POLR3B: variants seen among roughly 807,000 people sequenced by gnomAD.
POLR3B encodes RNA polymerase III subunit B.
In POLR3B, 96 loss-of-function variants were observed where a neutral mutation model predicts 147.4. The ratio of observed to expected loss-of-function variants is 0.65; its 90% confidence interval spans 0.55 to 0.77. The LOEUF is 0.77. Ranked by LOEUF, POLR3B falls within the 30% of genes least tolerant of loss-of-function variation. The pLI is 0.00. For synonymous variants in POLR3B, 461 were observed against 485.9 expected, an observed-to-expected ratio of 0.95 and a Z score of 0.67; for missense variants, 1,036 against 1,413.5, an observed-to-expected ratio of 0.73 and a Z score of 4.28.
chr12:106,472,264 G>T (rs1380404145), intron 23 of POLR3B, among the ~76,000 whole-genome samples: 154 of 150,608 alleles, frequency 1.0e-3, no homozygotes, highest in Middle Eastern at 3.4e-3. Context: ...GTCTATCATT[G>T]TTGGACATTT....
intron 11 of POLR3B, among the ~76,000 whole-genome samples, chr12:106,407,271 A>T (rs919692085): frequency 2.0e-5 from 3 of 152,236 alleles, no homozygotes; most frequent in African/African-American, 7.2e-5. Context: ...GGTTTCTTAC[A>T]TCCTAACTGA....
In POLR3B at chr12:106,491,835, CT is replaced by C. The variant is rs370900838; in HGVS notation, c.2714-4217del. 4.4e-3 allele frequency among the ~76,000 whole-genome samples: 677 copies of C among 152,272 alleles called. 4 individuals are homozygous for C. The highest frequency in any genetic ancestry group is 0.016 in the African/African-American group (652 of 41,558). Reference sequence around the variant, plus strand: ...AATTGAGGGAAATGATTCTTTTTCTCTTTCCTCACTCAGAAAAGGAAGAGTA... The same window carrying C: ...AATTGAGGGAAATGATTCTTTTTCTCTTCCTCACTCAGAAAAGGAAGAGTA... On this transcript the variant is annotated intron_variant, in intron 23 of 27. Coordinates refer to ENST00000228347, the MANE Select transcript of POLR3B (RefSeq NM_018082.6).
intron 4 of POLR3B, among the ~76,000 whole-genome samples, chr12:106,368,620 G>A (rs1452710782): frequency 1.3e-5 from 2 of 152,166 alleles, no homozygotes; most frequent in Non-Finnish European, 2.9e-5. Context: ...TTACTAGAGT[G>A]TAGGATTTGT....
chr12:106,427,224 T>A lies in POLR3B; in HGVS notation c.1129T>A (p.Phe377Ile). 6.2e-7 allele frequency: 1 copy of A among 1,603,020 alleles called. No individual in the cohort carries two copies. The highest frequency in any genetic ancestry group is 8.5e-7 in the Non-Finnish European group (1 of 1,171,952). ...TTTATCTCTTCTTTTTGAAGACTTG[T>A]TCAAAAAATTTAATTCTGAAATGAA... ...QLLSLLFEDL[F>I]KKFNSEMKKI... Residue 377 changes from phenylalanine to isoleucine, a missense_variant, in exon 13 of 28, where the codon TTC becomes ATC. Physicochemically the swap from Phe to Ile is conservative, Grantham distance 21. Coordinates refer to ENST00000228347, the MANE Select transcript of POLR3B (RefSeq NM_018082.6).
At chr12:106,470,556 C>T (rs1236543612) in intron 23 of POLR3B, among the ~76,000 whole-genome samples, 2 of 152,172 alleles carry the variant, frequency 1.3e-5, no homozygotes, top group African/African-American at 4.8e-5. Context: ...AATTTTCAGC[C>T]TTTCTGCTCT....
chr12:106,413,299 G>A (rs2037253499), intron 12 of POLR3B, among the ~76,000 whole-genome samples: 1 of 152,112 alleles, frequency 6.6e-6, no homozygotes, highest in Non-Finnish European at 1.5e-5. Flanking sequence ...AATTTTGTTA[G>A]ATGTACAATT....
rs543653933 is a variant in POLR3B, at chr12:106,438,874, G to A, written c.1955+1095G>A. 2.4e-3 allele frequency among the ~76,000 whole-genome samples: 364 copies of A among 152,296 alleles called. 2 individuals are homozygous for A. Among genetic ancestry groups the A allele is most frequent in the African/African-American group, 8.2e-3 (339 of 41,566 alleles). On this transcript the variant is annotated intron_variant, in intron 18 of 27. Transcript: ENST00000228347. ...TGTGCAGTATGCACTTGAATTGGTA[G>A]TATGTTCACAATATTTCTTCTTGAA...
intron 12 of POLR3B, among the ~76,000 whole-genome samples, chr12:106,419,933 A>T (rs2037352656): frequency 2.0e-5 from 3 of 152,012 alleles, no homozygotes; most frequent in Non-Finnish European, 4.4e-5. Context: ...TTGTGGGTCA[A>T]GAATTCAGGC....
intron 6 of POLR3B, among the ~76,000 whole-genome samples, chr12:106,375,726 T>G (rs2036668533): frequency 6.6e-6 from 1 of 152,218 alleles, no homozygotes; most frequent in African/African-American, 2.4e-5. Context: ...TTCCTTACAC[T>G]TGGATGCATT....
At chr12:106,451,637 G>C (rs550637704) in intron 19 of POLR3B, among the ~76,000 whole-genome samples, 120 of 137,448 alleles carry the variant, frequency 8.7e-4, no homozygotes, top group Non-Finnish European at 1.6e-3. Context: ...AAAAGGCGGG[G>C]GGGGAGGAGA....
At chr12:106,485,804 T>C (rs1444512014) in intron 23 of POLR3B, among the ~76,000 whole-genome samples, 1 of 152,124 alleles carries the variant, frequency 6.6e-6, no homozygotes, top group Admixed American at 6.5e-5. Context: ...AGGCTGGCAA[T>C]TGGTTATAGA....
At position 106,357,753 on chromosome 12, in the gene POLR3B, T is replaced by C. The variant is rs1441587323; in HGVS notation, c.-127T>C. 2 of 954,262 alleles carry C rather than the reference T, an allele frequency of 2.1e-6. No individual in the cohort carries two copies. The highest frequency in any genetic ancestry group is 2.6e-5 in the East Asian group (1 of 38,242). The allele number at this position is 954,262 out of a possible 1,614,324, so 59.1% of individuals were successfully genotyped here. A position where few individuals can be genotyped will look rare whatever the true frequency, so the allele number is the denominator to read the frequency against. On this transcript the variant is annotated 5_prime_UTR_variant, in exon 1 of 28. Coordinates refer to ENST00000228347, the MANE Select transcript of POLR3B (RefSeq NM_018082.6). Reference sequence around the variant, plus strand: ...GGGCGGAACCTTTCTACCGCGTCTCTAGCTAACACGCACGGCGGGGACAGT... The same window carrying C: ...GGGCGGAACCTTTCTACCGCGTCTCCAGCTAACACGCACGGCGGGGACAGT...
intron 9 of POLR3B, among the ~76,000 whole-genome samples, chr12:106,391,370 A>C (rs993455187): frequency 6.6e-6 from 1 of 152,108 alleles, no homozygotes; most frequent in Non-Finnish European, 1.5e-5. Flanking sequence ...ATTTTTTTCT[A>C]TAGAGGTGAG....
chr12:106,443,448 C>T (rs73186466), intron 18 of POLR3B, among the ~76,000 whole-genome samples: 3 of 151,982 alleles, frequency 2.0e-5, no homozygotes, highest in African/African-American at 7.3e-5. Context: ...CCCGGCATTT[C>T]AAGTGCTCAG....
rs757150494 is a variant in POLR3B at position 106,366,502 on chromosome 12, TTCTA to T, written c.106-10_106-7del. On this transcript the variant is annotated splice_polypyrimidine_tract_variant and intron_variant, in intron 2 of 27. Transcript: ENST00000228347. ...TTTTGCTAACCTGTTTACTTTCTCT[TTCTA>T]TCTGTTTAGGTGAAAGGCCTTGTGA... The T allele has an allele frequency of 4.3e-5, 69 of 1,590,882 alleles. 2 individuals carry two copies. In the South Asian group the frequency reaches 7.3e-4, roughly 17 times the overall value.
chr12:106,485,391 G>A (rs555967506), intron 23 of POLR3B, among the ~76,000 whole-genome samples: 1 of 152,230 alleles, frequency 6.6e-6, no homozygotes, highest in African/African-American at 2.4e-5. Flanking sequence ...TATAAGCAAA[G>A]GAGTGACGAG....
At chr12:106,417,661 G>A (rs1026302827) in intron 12 of POLR3B, among the ~76,000 whole-genome samples, 3 of 152,238 alleles carry the variant, frequency 2.0e-5, no homozygotes, top group Non-Finnish European at 4.4e-5. Context: ...AAAAAAATTA[G>A]CATCAGGACT....
intron 27 of POLR3B, among the ~76,000 whole-genome samples, chr12:106,509,109 A>G (rs1307321898): frequency 1.3e-5 from 2 of 152,212 alleles, no homozygotes; most frequent in African/African-American, 4.8e-5. Context: ...AGCTCTTTCA[A>G]AACAGTATAT....
intron 22 of POLR3B, 129 bp downstream of exon 22, chr12:106,459,497 A>G: frequency 1.4e-6 from 1 of 712,598 alleles, no homozygotes; most frequent in Non-Finnish European, 2.6e-6. Flanking sequence ...ATTACTTGTC[A>G]TGGAAAAAGC....
Sources: gnomAD v4.1 joint callset for allele counts (sites outside exome capture counted in the v4.1 genomes callset) on GRCh38, gnomAD v4.1.1 for gene constraint, MANE v1.5 for transcripts, NCBI Gene and HGNC (gene_info 2026-07-23, HGNC 2026-07-21) for gene names.